The following NEGR1 variants were observed in gnomAD, a reference collection of about 807,000 sequenced individuals.
The protein encoded by NEGR1 is neuronal growth regulator 1.
In NEGR1, 10 loss-of-function variants were observed where a neutral mutation model predicts 40.9. The observed-to-expected ratio is 0.24, with a 90% CI of 0.15 to 0.42. NEGR1 has a LOEUF of 0.42. NEGR1 is among the 10% of genes least tolerant of loss of function. NEGR1 has a pLI of 1.00. For missense variants in NEGR1, 352 were observed against 438.9 expected (o/e 0.80, Z 1.77); for synonymous variants, 185 against 166.8 (o/e 1.11, Z -0.84).
intron 4 of NEGR1, among the ~76,000 whole-genome samples, chr1:71,641,871 A>G (rs972742900): frequency 6.6e-6 from 1 of 152,042 alleles, no homozygotes; most frequent in Admixed American, 6.6e-5. Context: ...GACAAGAATG[A>G]CATCTTGCTG....
chr1:71,774,980 T>A (rs1656452679), intron 3 of NEGR1, among the ~76,000 whole-genome samples: 1 of 152,204 alleles, frequency 6.6e-6, no homozygotes, highest in African/African-American at 2.4e-5. Flanking sequence ...CTACTAGCTA[T>A]GCAATCCTGC....
At chr1:72,238,195 C>A (rs1445154927) in intron 1 of NEGR1, among the ~76,000 whole-genome samples, 2 of 151,826 alleles carry the variant, frequency 1.3e-5, no homozygotes, top group Non-Finnish European at 2.9e-5. Flanking sequence ...CTCTTTCCTC[C>A]TTTATCAAAC....
At chr1:71,948,082 A>T (rs931703982) in intron 1 of NEGR1, among the ~76,000 whole-genome samples, 1 of 152,158 alleles carries the variant, frequency 6.6e-6, no homozygotes, top group Non-Finnish European at 1.5e-5. Context: ...ACGGACTTTT[A>T]AAATACAGTT....
intron 6 of NEGR1, among the ~76,000 whole-genome samples, chr1:71,561,127 C>T (rs747371184): frequency 4.0e-5 from 6 of 151,614 alleles, no homozygotes; most frequent in Admixed American, 6.6e-5. Flanking sequence ...AAGAGGTAAC[C>T]GTCAAACTCA....
chr1:71,881,970 G>A (rs1660596245), intron 2 of NEGR1, among the ~76,000 whole-genome samples: 1 of 152,118 alleles, frequency 6.6e-6, no homozygotes, highest in Admixed American at 6.6e-5. Context: ...TTCAGCTGCA[G>A]ATGTTTCCAA....
chr1:71,795,797 C>T (rs958127521), intron 2 of NEGR1, among the ~76,000 whole-genome samples: 1 of 152,032 alleles, frequency 6.6e-6, no homozygotes, highest in Non-Finnish European at 1.5e-5. Flanking sequence ...AATTATGATA[C>T]CATTTATGAA....
At chr1:71,662,107 G>A (rs1415220175) in intron 4 of NEGR1, among the ~76,000 whole-genome samples, 1 of 152,170 alleles carries the variant, frequency 6.6e-6, no homozygotes, top group Non-Finnish European at 1.5e-5. Flanking sequence ...GCAGGTTTTA[G>A]AGTCTGAAGA....
intron 6 of NEGR1, chr1:71,488,048 G>A (rs1045888630): frequency 4.6e-5 from 7 of 151,680 alleles, no homozygotes; most frequent in Admixed American, 1.3e-4. Flanking sequence ...ATTTCCAGAG[G>A]TGATTTATGT....
rs946704912 is a variant in NEGR1, at chr1:71,822,887, C to G, written c.410-46590G>C. On this transcript the variant is annotated intron_variant, in intron 2 of 6. Coordinates refer to ENST00000357731, the MANE Select transcript of NEGR1 (RefSeq NM_173808.3). Reference sequence around the variant, plus strand: ...TGTATTGCACACTAAATCCAGACTGCTGACCATATAATGTATTAGAACCGC... The same window carrying G: ...TGTATTGCACACTAAATCCAGACTGGTGACCATATAATGTATTAGAACCGC... 3.3e-5 allele frequency among the ~76,000 whole-genome samples: 5 copies of G among 152,148 alleles called. No homozygotes were observed. In the South Asian group the frequency reaches 1.0e-3, roughly 32 times the overall value.
chr1:71,977,380 G>C (rs61765350), intron 1 of NEGR1, among the ~76,000 whole-genome samples: 18,658 of 151,930 alleles, frequency 0.12, 1,222 homozygotes, highest in Middle Eastern at 0.21. Context: ...CAAAAAACTA[G>C]AAAGTGCCTG....
chr1:72,096,238 C>A (rs1299922121), intron 1 of NEGR1, among the ~76,000 whole-genome samples: 2 of 152,046 alleles, frequency 1.3e-5, no homozygotes, highest in Non-Finnish European at 2.9e-5. Flanking sequence ...AAGGAAAATG[C>A]TTCATTTATT....
intron 1 of NEGR1, among the ~76,000 whole-genome samples, chr1:72,018,145 A>G (rs1646728223): frequency 6.6e-6 from 1 of 152,186 alleles, no homozygotes; most frequent in African/African-American, 2.4e-5. Context: ...GTCAATATCG[A>G]TGGTTCATAT....
intron 2 of NEGR1, among the ~76,000 whole-genome samples, chr1:71,873,450 G>T (rs1275734735): frequency 6.6e-6 from 1 of 151,966 alleles, no homozygotes; most frequent in East Asian, 1.9e-4. Context: ...ACCTGCAACT[G>T]GCTCGTTATA....
intron 5 of NEGR1, among the ~76,000 whole-genome samples, chr1:71,609,219 G>T (rs1299869844): frequency 6.6e-6 from 1 of 151,956 alleles, no homozygotes; most frequent in African/African-American, 2.4e-5. Context: ...CCAGTCAGAA[G>T]AAATGAGACT....
intron 4 of NEGR1, among the ~76,000 whole-genome samples, chr1:71,618,631 T>G (rs925907268): frequency 1.3e-5 from 2 of 152,090 alleles, no homozygotes; most frequent in Non-Finnish European, 2.9e-5. Context: ...TGGCGAGTTG[T>G]ATAAGTATTT....
intron 2 of NEGR1, among the ~76,000 whole-genome samples, chr1:71,923,983 A>T (rs1645747146): frequency 6.6e-6 from 1 of 151,078 alleles, no homozygotes; most frequent in African/African-American, 2.4e-5. Flanking sequence ...ATCACCACTC[A>T]CTGTAGCCTC....
chr1:72,070,363 C>G (rs1261981520), intron 1 of NEGR1, among the ~76,000 whole-genome samples: 5 of 151,894 alleles, frequency 3.3e-5, no homozygotes, highest in Non-Finnish European at 5.9e-5. Context: ...CTCTCTTTTC[C>G]CCTAAAGAGT....
chr1:71,626,114 G>C (rs1403111624), intron 4 of NEGR1, among the ~76,000 whole-genome samples: 1 of 151,924 alleles, frequency 6.6e-6, no homozygotes, highest in Admixed American at 6.6e-5. Context: ...TAGAAAAATT[G>C]TCTTCCACAA....
At chr1:72,009,167 C>A (rs1646635345) in intron 1 of NEGR1, among the ~76,000 whole-genome samples, 1 of 151,804 alleles carries the variant, frequency 6.6e-6, no homozygotes, top group South Asian at 2.1e-4. Context: ...TATATGATAT[C>A]ATCATGTAGT....
Sources: gnomAD v4.1 joint callset for allele counts (sites outside exome capture counted in the v4.1 genomes callset) on GRCh38, gnomAD v4.1.1 for gene constraint, MANE v1.5 for transcripts, NCBI Gene and HGNC (gene_info 2026-07-23, HGNC 2026-07-21) for gene names.